CADM2: variants seen among roughly 807,000 people sequenced by gnomAD.
The protein encoded by CADM2 is immunoglobulin superfamily member 4D.
CADM2 carries 12 observed loss-of-function variants against 49.8 expected under a neutral mutation model. That is an observed-to-expected ratio of 0.24 (90% CI 0.15 to 0.39). The LOEUF (loss-of-function observed/expected upper bound fraction) is 0.39. Among genes scored for constraint, CADM2 ranks in the 10% least tolerant of loss-of-function variants. The pLI, the probability that CADM2 is intolerant of heterozygous loss-of-function variation, is 1.00. For missense variants in CADM2, 378 were observed against 492.3 expected (o/e 0.77, Z 2.20); for synonymous variants, 214 against 175.4 (o/e 1.22, Z -1.74).
intron 1 of CADM2, among the ~76,000 whole-genome samples, chr3:85,053,044 C>A (rs2035945181): frequency 6.6e-6 from 1 of 151,856 alleles, no homozygotes. Flanking sequence ...TTTTAAGATT[C>A]TAGAAGACAA....
chr3:85,885,059 A>G (rs1713387083), intron 4 of CADM2, among the ~76,000 whole-genome samples: 1 of 151,910 alleles, frequency 6.6e-6, no homozygotes, highest in African/African-American at 2.4e-5. Flanking sequence ...AAGCTTTAAG[A>G]ACTATGAAAT....
At chr3:85,370,778 T>C (rs1387148336) in intron 1 of CADM2, among the ~76,000 whole-genome samples, 1 of 152,096 alleles carries the variant, frequency 6.6e-6, no homozygotes, top group Non-Finnish European at 1.5e-5. Context: ...GAGATTGTTA[T>C]CATAGAAGAT....
chr3:85,693,566 C>CAAAAAAAAAAAAAAA (rs562723713), intron 1 of CADM2, among the ~76,000 whole-genome samples: 1 of 76,090 alleles, frequency 1.3e-5, no homozygotes. Context: ...GGCGAAAGAG[C>CAAAAAAAAAAAAAAA]AAAAAAAAAA....
intron 1 of CADM2, among the ~76,000 whole-genome samples, chr3:85,551,307 TC>T (rs2061797040): frequency 1.3e-5 from 2 of 152,154 alleles, no homozygotes; most frequent in East Asian, 1.9e-4. Flanking sequence ...TAGCAATCCT[TC>T]AGCAATTCTG....
chr3:85,319,495 T>C (rs141934662), intron 1 of CADM2, among the ~76,000 whole-genome samples: 1 of 152,320 alleles, frequency 6.6e-6, no homozygotes, highest in African/African-American at 2.4e-5. Flanking sequence ...CATGCACGTG[T>C]ATATTCATTA....
chr3:85,977,256 A>T (rs1559778288), intron 8 of CADM2, among the ~76,000 whole-genome samples: 1 of 151,586 alleles, frequency 6.6e-6, no homozygotes, highest in Admixed American at 6.6e-5. Context: ...TTGAAAGACT[A>T]CTTTTCTTAT....
chr3:85,718,352 T>A (rs2067372955), intron 1 of CADM2, among the ~76,000 whole-genome samples: 1 of 152,184 alleles, frequency 6.6e-6, no homozygotes, highest in Admixed American at 6.5e-5. Flanking sequence ...ATTGAGAACC[T>A]TTTATTCCTG....
chr3:85,875,785 G>A (rs1711744609), intron 3 of CADM2, among the ~76,000 whole-genome samples: 1 of 152,202 alleles, frequency 6.6e-6, no homozygotes, highest in African/African-American at 2.4e-5. Flanking sequence ...AAGTCTGAAA[G>A]TAGCAGTGTT....
At chr3:85,413,152 AAAAAAAAAAAATAAT>A (rs936825769) in intron 1 of CADM2, among the ~76,000 whole-genome samples, 7 of 144,032 alleles carry the variant, frequency 4.9e-5, no homozygotes, top group Non-Finnish European at 1.1e-4. Flanking sequence ...AAAAAAAAAA[AAAAAAAAAAAATAAT>A]AATAATAATA....
chr3:85,333,857 T>C (rs2045004871), intron 1 of CADM2, among the ~76,000 whole-genome samples: 1 of 151,730 alleles, frequency 6.6e-6, no homozygotes, highest in South Asian at 2.1e-4. Flanking sequence ...ATTTTCCTGT[T>C]GTTATATTGA....
rs956264277 is a variant in CADM2 at position 85,216,393 on chromosome 3, ATTAT to A, written c.61+256731_61+256734del. ...TTAATATTAATGTACACTTATATTA[ATTAT>A]TTATTACATTAATTTTACATTATCC... On this transcript the variant is annotated intron_variant, in intron 1 of 9. Transcript: ENST00000383699. Among the ~76,000 whole-genome samples, 82 of 148,040 alleles carry A rather than the reference ATTAT, an allele frequency of 5.5e-4. 1 individual carries two copies. The highest frequency in any genetic ancestry group is 2.0e-3 in the Admixed American group (29 of 14,812).
At chr3:85,565,033 A>G (rs2062214265) in intron 1 of CADM2, among the ~76,000 whole-genome samples, 3 of 152,096 alleles carry the variant, frequency 2.0e-5, no homozygotes. Flanking sequence ...AAAGTTGGAC[A>G]AGGACTCACA....
At chr3:85,135,618 C>T (rs1196617469) in intron 1 of CADM2, among the ~76,000 whole-genome samples, 1 of 151,998 alleles carries the variant, frequency 6.6e-6, no homozygotes, top group Non-Finnish European at 1.5e-5. Flanking sequence ...GTTTAAGTGG[C>T]CAGATTCAGT....
intron 1 of CADM2, among the ~76,000 whole-genome samples, chr3:85,200,236 G>A (rs2041457959): frequency 6.6e-6 from 1 of 151,860 alleles, no homozygotes; most frequent in Non-Finnish European, 1.5e-5. Flanking sequence ...ATAGATTATG[G>A]GTATGAAAGG....
chr3:85,951,202 C>T (rs1296990149), intron 7 of CADM2, among the ~76,000 whole-genome samples: 1 of 150,878 alleles, frequency 6.6e-6, no homozygotes, highest in Non-Finnish European at 1.5e-5. Context: ...AGAACATATC[C>T]AGAAATATTT....
intron 1 of CADM2, among the ~76,000 whole-genome samples, chr3:85,512,895 G>C (rs575393926): frequency 6.6e-5 from 10 of 152,102 alleles, no homozygotes; most frequent in African/African-American, 2.2e-4. Flanking sequence ...AATATGGATT[G>C]TCTGTAAAAT....
At chr3:85,987,872 T>C (rs1687055522) in intron 8 of CADM2, among the ~76,000 whole-genome samples, 3 of 152,022 alleles carry the variant, frequency 2.0e-5, no homozygotes. Context: ...AAAAAATCAT[T>C]AATAAACTGG....
chr3:85,756,663 C>G (rs987139890), intron 2 of CADM2, among the ~76,000 whole-genome samples: 2 of 152,012 alleles, frequency 1.3e-5, no homozygotes, highest in African/African-American at 4.8e-5. Flanking sequence ...AATATGTAAC[C>G]TATTTATGAG....
At position 85,490,623 on chromosome 3, in the gene CADM2, A is replaced by G. The variant is rs1390852554; in HGVS notation, c.62-235899A>G. On this transcript the variant is annotated intron_variant, in intron 1 of 9. Coordinates refer to ENST00000383699, the MANE Select transcript of CADM2 (RefSeq NM_001167675.2). ...AATCCAAAATCCAAAATTGTAAAAA[A>G]TCAATTAATTCCAGTACTGCTTTCA... Among the ~76,000 whole-genome samples, 4 of 152,250 alleles carry G rather than the reference A, an allele frequency of 2.6e-5. No individual in the cohort carries two copies. In the South Asian group the frequency reaches 8.3e-4, roughly 32 times the overall value.
Sources: gnomAD v4.1 joint callset for allele counts (sites outside exome capture counted in the v4.1 genomes callset) on GRCh38, gnomAD v4.1.1 for gene constraint, MANE v1.5 for transcripts, NCBI Gene and HGNC (gene_info 2026-07-23, HGNC 2026-07-21) for gene names.